PAPOLA: variants seen among roughly 807,000 people sequenced by gnomAD.
PAPOLA encodes poly(A) polymerase alpha.
PAPOLA carries 15 observed loss-of-function variants against 100.6 expected under a neutral mutation model. The ratio of observed to expected loss-of-function variants is 0.15; its 90% confidence interval spans 0.10 to 0.23. The LOEUF (loss-of-function observed/expected upper bound fraction) is 0.23, where lower values mean the gene tolerates loss of function less well. Among genes scored for constraint, PAPOLA ranks in the 10% least tolerant of loss-of-function variants. The pLI is 1.00. For synonymous variants in PAPOLA, 293 were observed against 300.0 expected, an observed-to-expected ratio of 0.98 and a Z score of 0.24; for missense variants, 533 against 884.2, an observed-to-expected ratio of 0.60 and a Z score of 5.04.
intron 5 of PAPOLA, 184 bp downstream of exon 5, chr14:96,527,723 G>C (rs990249785): frequency 3.3e-6 from 2 of 608,870 alleles, no homozygotes; most frequent in African/African-American, 3.7e-5. Flanking sequence ...CTCATTTACA[G>C]ATTAGGAAAT....
chr14:96,565,865 C>T lies in PAPOLA; in HGVS notation c.*815C>T. ...AAAAGCTTCTTGCGCCTTTCCCTCCCCTGTTTTCTTCCTTTTTCTTTTTGC... is the reference window on the plus strand; with the variant it reads ...AAAAGCTTCTTGCGCCTTTCCCTCCTCTGTTTTCTTCCTTTTTCTTTTTGC... On this transcript the variant is annotated 3_prime_UTR_variant, in exon 22 of 22. Transcript: ENST00000216277. 2.5e-6 allele frequency: 1 copy of T among 398,602 alleles called. No homozygotes were observed. The highest frequency in any genetic ancestry group is 3.6e-5 in the East Asian group (1 of 28,056). 24.7% of individuals were successfully genotyped at this position (398,602 alleles called of 1,614,324 possible).
intron 12 of PAPOLA, among the ~76,000 whole-genome samples, chr14:96,540,222 G>T (rs1899869267): frequency 6.6e-6 from 1 of 152,118 alleles, no homozygotes; most frequent in Admixed American, 6.5e-5. Context: ...AGACTAAGGT[G>T]GTTATTAAGA....
At chr14:96,535,378 T>C in intron 10 of PAPOLA, 1 of 980,054 alleles carries the variant, frequency 1.0e-6, no homozygotes, top group Non-Finnish European at 1.2e-6. Flanking sequence ...AAATTAACAG[T>C]ATATCATTTC....
chr14:96,566,114 C>G lies in PAPOLA; in HGVS notation c.*1064C>G. The G allele has an allele frequency of 2.5e-6, 1 of 393,138 alleles. No individual in the cohort carries two copies. Among genetic ancestry groups the G allele is most frequent in the Non-Finnish European group, 4.5e-6 (1 of 222,474 alleles). 24.4% of individuals were successfully genotyped at this position (393,138 alleles called of 1,614,324 possible). ...GGAATTTTGTACACTCCACAGAACT[C>G]CTATCTATAGTAAAATTGATTTTCA... On this transcript the variant is annotated 3_prime_UTR_variant, in exon 22 of 22. Transcript: ENST00000216277.
intron 11 of PAPOLA, 120 bp downstream of exon 11, chr14:96,536,119 CATTT>C (rs1899504683): frequency 1.4e-6 from 1 of 691,490 alleles, no homozygotes. Context: ...TTTTGGTGTT[CATTT>C]ATTTATTACA....
Position 96,552,534 on chromosome 14 carries a change from T to A in PAPOLA, c.1576T>A (p.Ser526Thr). The A allele has an allele frequency of 6.2e-7, 1 of 1,613,874 alleles. No individual in the cohort carries two copies. Among genetic ancestry groups the A allele is most frequent in the Non-Finnish European group, 8.5e-7 (1 of 1,179,738 alleles). The change falls in exon 17 of 22, where the codon TCT becomes ACT. Residue 526 changes from serine to threonine, a missense_variant. Coordinates refer to ENST00000216277, the MANE Select transcript of PAPOLA (RefSeq NM_032632.5). ...TALNDSSLDL[S>T]MDSDNSMSVP... is the part of the protein sequence containing the mutation. ...TCTCAATGACAGCAGCCTCGACTTG[T>A]CTATGGACAGTGATAACAGCATGTC...
At chr14:96,558,164 T>G (rs955553253) in intron 19 of PAPOLA, among the ~76,000 whole-genome samples, 13 of 152,144 alleles carry the variant, frequency 8.5e-5, no homozygotes, top group Admixed American at 6.5e-4. Flanking sequence ...TTTGTTGTTG[T>G]TGTTTTTCAA....
rs762103911 is a variant in PAPOLA at position 96,520,231 on chromosome 14, A to C, written c.182+3A>C. The C allele has an allele frequency of 1.9e-6, 3 of 1,592,008 alleles. No individual in the cohort carries two copies. Among genetic ancestry groups the C allele is most frequent in the Admixed American group, 1.8e-5 (1 of 54,370 alleles). On this transcript the variant is annotated splice_donor_region_variant and intron_variant, in intron 2 of 21. Coordinates refer to ENST00000216277, the MANE Select transcript of PAPOLA (RefSeq NM_032632.5). Reference sequence around the variant, plus strand: ...GAGGAAGAGGAACTGCAGCGCAGGTAAATAGATATTCTATATTTTTTTAAC... The same window carrying C: ...GAGGAAGAGGAACTGCAGCGCAGGTCAATAGATATTCTATATTTTTTTAAC...
At chr14:96,525,429 T>TAAA (rs1898377172) in intron 4 of PAPOLA, 38 bp downstream of exon 4, 1 of 838,138 alleles carries the variant, frequency 1.2e-6, no homozygotes, top group African/African-American at 1.7e-5. Context: ...AGGGACCCTT[T>TAAA]AGTTCTTAAA....
At chr14:96,560,497 T>C in intron 19 of PAPOLA, 152 bp from the exon 20 acceptor site, 3 of 590,590 alleles carry the variant, frequency 5.1e-6, no homozygotes, top group Non-Finnish European at 8.9e-6. Context: ...TAAAAACATT[T>C]TAAAAGAGGG....
rs1350001415 is a variant in PAPOLA at position 96,565,693 on chromosome 14, T to G, written c.*643T>G. 2.5e-6 allele frequency: 1 copy of G among 397,710 alleles called. No individual in the cohort carries two copies. Among genetic ancestry groups the G allele is most frequent in the African/African-American group, 2.1e-5 (1 of 48,586 alleles). The allele number at this position is 397,710 out of a possible 1,614,324, so 24.6% of individuals were successfully genotyped here. On this transcript the variant is annotated 3_prime_UTR_variant, in exon 22 of 22. Transcript: ENST00000216277. ...TAACTTGGTTTTGATAGGGTCATGATTAAGAAATGATATATTGGTTTTATT... is the reference window on the plus strand; with the variant it reads ...TAACTTGGTTTTGATAGGGTCATGAGTAAGAAATGATATATTGGTTTTATT...
chr14:96,538,258 A>G (rs1464133016), intron 12 of PAPOLA, among the ~76,000 whole-genome samples: 1 of 152,016 alleles, frequency 6.6e-6, no homozygotes, highest in Admixed American at 6.6e-5. Context: ...CCTGGAATCA[A>G]TGATGAAACT....
chr14:96,530,047 A>T (rs542953219), intron 6 of PAPOLA, among the ~76,000 whole-genome samples: 1 of 152,182 alleles, frequency 6.6e-6, no homozygotes, highest in South Asian at 2.1e-4. Context: ...ATTGAGAATT[A>T]TTTTTGGCTA....
At chr14:96,550,071 C>G (rs1900720132) in intron 16 of PAPOLA, among the ~76,000 whole-genome samples, 1 of 152,104 alleles carries the variant, frequency 6.6e-6, no homozygotes. Flanking sequence ...TCATGTGTGC[C>G]CAATAGTTCA....
intron 1 of PAPOLA, among the ~76,000 whole-genome samples, chr14:96,518,305 A>G (rs2140248867): frequency 6.6e-6 from 1 of 152,344 alleles, no homozygotes; most frequent in Admixed American, 6.5e-5. Flanking sequence ...AAATTACAGA[A>G]CAGTCTAGCC....
intron 21 of PAPOLA, among the ~76,000 whole-genome samples, chr14:96,563,168 AG>A (rs1902006968): frequency 6.6e-6 from 1 of 152,332 alleles, no homozygotes; most frequent in African/African-American, 2.4e-5. Context: ...TCATTTACAC[AG>A]GGTTCATATG....
At chr14:96,563,829 A>G (rs1437264493) in intron 21 of PAPOLA, among the ~76,000 whole-genome samples, 1 of 152,134 alleles carries the variant, frequency 6.6e-6, no homozygotes, top group East Asian at 1.9e-4. Flanking sequence ...TGATACGTGG[A>G]CAAACTTGTT....
intron 19 of PAPOLA, among the ~76,000 whole-genome samples, chr14:96,557,052 G>GT (rs932069351): frequency 1.3e-5 from 2 of 151,940 alleles, no homozygotes; most frequent in East Asian, 1.9e-4. Context: ...TTAATTTTTT[G>GT]TTTTTTGTTT....
At chr14:96,507,293 T>G (rs1435741749) in intron 1 of PAPOLA, among the ~76,000 whole-genome samples, 3 of 135,934 alleles carry the variant, frequency 2.2e-5, no homozygotes, top group Non-Finnish European at 3.1e-5. Context: ...TTTTTTTTTT[T>G]TTTTTTTTTT....
Sources: allele counts gnomAD v4.1 joint callset (sites outside exome capture counted in the v4.1 genomes callset), GRCh38; gene constraint gnomAD v4.1.1; transcripts MANE v1.5; gene names NCBI Gene and HGNC (gene_info 2026-07-23, HGNC 2026-07-21).